RNF150: variants seen among roughly 807,000 people sequenced by gnomAD.
RNF150 encodes ring finger protein 150.
In RNF150, 24 loss-of-function variants were observed where a neutral mutation model predicts 39.3. That is an observed-to-expected ratio of 0.61 (90% CI 0.44 to 0.86). RNF150 has a LOEUF of 0.86. Among genes scored for constraint, RNF150 ranks in the 40% least tolerant of loss-of-function variants. The pLI, the probability that RNF150 is intolerant of heterozygous loss-of-function variation, is 0.00. For synonymous variants in RNF150, 255 were observed against 227.3 expected, an observed-to-expected ratio of 1.12 and a Z score of -1.10; for missense variants, 502 against 587.8, an observed-to-expected ratio of 0.85 and a Z score of 1.51.
chr4:141,048,201 G>A (rs1178005754), intron 1 of RNF150, among the ~76,000 whole-genome samples: 1 of 152,206 alleles, frequency 6.6e-6, no homozygotes, highest in Non-Finnish European at 1.5e-5. Flanking sequence ...AATACTGTTT[G>A]CTGTAACATG....
Position 141,090,002 on chromosome 4 carries a change from C to T in RNF150, c.484+42323G>A, listed in dbSNP as rs190729743. Among the ~76,000 whole-genome samples the T allele has an allele frequency of 5.9e-5, 9 of 152,326 alleles. No individual in the cohort carries two copies. The East Asian group carries it at 1.7e-3, about 29-fold the overall frequency. Reference sequence around the variant, plus strand: ...AATATCTTTCTTCAATAGAGCACATCTTTACCTAGGCACATGGACATCTTG... The same window carrying T: ...AATATCTTTCTTCAATAGAGCACATTTTTACCTAGGCACATGGACATCTTG... On this transcript the variant is annotated intron_variant, in intron 1 of 6. Coordinates refer to ENST00000515673, the MANE Select transcript of RNF150 (RefSeq NM_020724.2).
At chr4:141,027,188 G>C (rs145539221) in intron 1 of RNF150, among the ~76,000 whole-genome samples, 4 of 152,098 alleles carry the variant, frequency 2.6e-5, no homozygotes, top group African/African-American at 9.7e-5. Flanking sequence ...AAACGTCCCC[G>C]GAATGCAGTG....
chr4:141,159,734 G>C (rs986124138), intron 1 of RNF150, among the ~76,000 whole-genome samples: 1 of 151,978 alleles, frequency 6.6e-6, no homozygotes, highest in East Asian at 1.9e-4. Context: ...GTAAACGCAG[G>C]GTTTCGTCAT....
intron 6 of RNF150, among the ~76,000 whole-genome samples, chr4:140,903,261 A>T (rs895127278): frequency 6.6e-6 from 1 of 152,144 alleles, no homozygotes; most frequent in African/African-American, 2.4e-5. Flanking sequence ...TAGCTCCAAT[A>T]ATGTTCTAAT....
intron 1 of RNF150, among the ~76,000 whole-genome samples, chr4:141,168,599 G>C (rs1727642217): frequency 6.6e-6 from 1 of 152,098 alleles, no homozygotes; most frequent in African/African-American, 2.4e-5. Flanking sequence ...ATACACCATG[G>C]GATACTATGT....
chr4:140,887,607 A>T (rs1004038428), intron 6 of RNF150, among the ~76,000 whole-genome samples: 3 of 152,288 alleles, frequency 2.0e-5, no homozygotes, highest in African/African-American at 7.2e-5. Context: ...TCACCATGTG[A>T]CAGCCTTATC....
At chr4:141,130,694 TA>T (rs1206722955) in intron 1 of RNF150, among the ~76,000 whole-genome samples, 1 of 152,222 alleles carries the variant, frequency 6.6e-6, no homozygotes, top group African/African-American at 2.4e-5. Flanking sequence ...TCTTGGAGTT[TA>T]AAGAACAACA....
chr4:140,869,357 C>T (rs567001210), intron 6 of RNF150, among the ~76,000 whole-genome samples: 5 of 152,138 alleles, frequency 3.3e-5, no homozygotes, highest in South Asian at 2.1e-4. Flanking sequence ...AAAATGCTAA[C>T]GAGAGTCATC....
chr4:141,039,125 G>T (rs868406508), intron 1 of RNF150, among the ~76,000 whole-genome samples: 1 of 152,108 alleles, frequency 6.6e-6, no homozygotes, highest in African/African-American at 2.4e-5. Context: ...ATAAGGCAGA[G>T]GTCTCAGGAA....
chr4:140,903,881 C>T (rs1194178191), intron 6 of RNF150, among the ~76,000 whole-genome samples: 2 of 152,192 alleles, frequency 1.3e-5, no homozygotes, highest in Non-Finnish European at 2.9e-5. Context: ...GATTGATTCT[C>T]TCACAGGCTG....
intron 1 of RNF150, among the ~76,000 whole-genome samples, chr4:140,993,969 G>T (rs964464558): frequency 1.3e-5 from 2 of 152,150 alleles, no homozygotes; most frequent in African/African-American, 2.4e-5. Flanking sequence ...GTTTGTGGGT[G>T]TTGTTGACAT....
At chr4:141,179,290 C>T (rs907667570) in intron 1 of RNF150, among the ~76,000 whole-genome samples, 2 of 152,118 alleles carry the variant, frequency 1.3e-5, no homozygotes, top group Non-Finnish European at 2.9e-5. Flanking sequence ...TCTCTGACTT[C>T]ATTTCTAATC....
chr4:141,193,677 C>T (rs1311694129), intron 1 of RNF150, among the ~76,000 whole-genome samples: 2 of 152,116 alleles, frequency 1.3e-5, no homozygotes, highest in African/African-American at 4.8e-5. Context: ...CGACAGCAGC[C>T]AGCTTCACCA....
At chr4:140,879,358 C>T (rs1010826017) in intron 6 of RNF150, among the ~76,000 whole-genome samples, 10 of 152,138 alleles carry the variant, frequency 6.6e-5, no homozygotes, top group African/African-American at 2.4e-4. Flanking sequence ...TCTTCCAATC[C>T]GTGAACATGT....
At chr4:140,966,555 G>A (rs1335120290) in intron 2 of RNF150, among the ~76,000 whole-genome samples, 5 of 151,936 alleles carry the variant, frequency 3.3e-5, no homozygotes, top group African/African-American at 1.2e-4. Flanking sequence ...AATAAAAGTA[G>A]TTACTTCACC....
In RNF150 at chr4:140,860,240, C is replaced by G. The variant is rs1490302741; in HGVS notation, c.*8021G>C. The G allele has an allele frequency of 6.6e-6, 1 of 150,560 alleles. No homozygotes were observed. The highest frequency in any genetic ancestry group is 1.9e-4 in the East Asian group (1 of 5,162). The allele number at this position is 150,560 out of a possible 1,614,324, so 9.3% of individuals were successfully genotyped here. On this transcript the variant is annotated 3_prime_UTR_variant, in exon 7 of 7. Coordinates refer to ENST00000515673, the MANE Select transcript of RNF150 (RefSeq NM_020724.2). ...TGGGGAAGAAGGAAAGAAATTTATACAGAAAAAATTTAAAAAACTACACTG... is the reference window on the plus strand; with the variant it reads ...TGGGGAAGAAGGAAAGAAATTTATAGAGAAAAAATTTAAAAAACTACACTG...
intron 1 of RNF150, among the ~76,000 whole-genome samples, chr4:141,207,551 A>T (rs1288924884): frequency 6.6e-6 from 1 of 152,138 alleles, no homozygotes; most frequent in African/African-American, 2.4e-5. Context: ...GCCCTCAACC[A>T]CAAGGTACTG....
chr4:141,070,373 T>G (rs1232701721), intron 1 of RNF150, among the ~76,000 whole-genome samples: 2 of 149,640 alleles, frequency 1.3e-5, no homozygotes, highest in Non-Finnish European at 3.0e-5. Context: ...AAGCCAAAAT[T>G]GACAAATGGG....
chr4:141,093,284 T>G (rs556607829), intron 1 of RNF150, among the ~76,000 whole-genome samples: 1 of 148,382 alleles, frequency 6.7e-6, no homozygotes, highest in Non-Finnish European at 1.5e-5. Flanking sequence ...GAGAATGGCG[T>G]GAACCTGGGA....
Sources: allele counts gnomAD v4.1 joint callset (sites outside exome capture counted in the v4.1 genomes callset), GRCh38; gene constraint gnomAD v4.1.1; transcripts MANE v1.5; gene names NCBI Gene and HGNC (gene_info 2026-07-23, HGNC 2026-07-21).